CDHR4: variants seen among roughly 807,000 people sequenced by gnomAD.
CDHR4 encodes cadherin-related family member 4.
In CDHR4, 89 loss-of-function variants were observed where a neutral mutation model predicts 88.4. The ratio of observed to expected loss-of-function variants is 1.01; its 90% CI spans 0.85 to 1.20. CDHR4 has a LOEUF of 1.20. CDHR4 is among the 50% of genes most tolerant of loss of function. The probability of loss-of-function intolerance (pLI) is 0.00; values close to 1 mark genes in which losing one functional copy is unlikely to be tolerated. For missense variants in CDHR4, 914 were observed against 1,007.2 expected (o/e 0.91, Z 1.25); for synonymous variants, 368 against 399.2 (o/e 0.92, Z 0.93).
At position 49,795,649 on chromosome 3, in the gene CDHR4, G is replaced by A. The variant is rs773787897; in HGVS notation, c.826C>T (p.Pro276Ser). 1 of 1,551,674 alleles carries A rather than the reference G, an allele frequency of 6.4e-7. No homozygotes were observed. Among genetic ancestry groups the A allele is most frequent in the East Asian group, 2.4e-5 (1 of 40,928 alleles). The change falls in exon 7 of 19, where the codon CCA becomes TCA. Residue 276 changes from proline to serine, a missense_variant. By Grantham distance (74) the Pro-to-Ser change is moderately conservative (BLOSUM62 -1). Transcript: ENST00000412678. This position sits in a 1 kb window ranked among gnomAD's most constrained non-coding sequence, Gnocchi z 5.4. ...TCACCACGACCAATGGAGAAGAGTGGGCTGGGCACCGGAGACAGGATTTCA... is the reference window on the plus strand; with the variant it reads ...TCACCACGACCAATGGAGAAGAGTGAGCTGGGCACCGGAGACAGGATTTCA... ...RYEILSPVPS[P>S]LFSIGRADGV... is the part of the protein sequence containing the mutation.
chr3:49,792,878 C>T lies in CDHR4; in HGVS notation c.1971G>A (p.Val657=). ...VHLVPRRAST[V]ATSTHRTTVP... is the part of the protein sequence containing the mutation. ...CTGTGGTTCTGTGGGTGCTGGTGGC[C>T]ACTGTGCTGGCCCTCCGGGGAACTA... is the stretch of plus-strand genomic sequence containing the variant. Residue 657 remains valine (V), a synonymous_variant, in exon 14 of 19, where the codon GTG becomes GTA. Transcript: ENST00000412678. The T allele has an allele frequency of 6.5e-7, 1 of 1,544,192 alleles. No individual in the cohort carries two copies. The highest frequency in any genetic ancestry group is 8.8e-7 in the Non-Finnish European group (1 of 1,141,412).
chr3:49,799,651 G>T, intron 1 of CDHR4, 113 bp downstream of exon 1: 1 of 1,245,452 alleles, frequency 8.0e-7, no homozygotes, highest in Non-Finnish European at 1.1e-6. Flanking sequence ...CAGGGGTTCA[G>T]ATTCTTACAC....
intron 4 of CDHR4, chr3:49,798,564 G>A: frequency 2.0e-6 from 1 of 508,912 alleles, no homozygotes; most frequent in Non-Finnish European, 3.4e-6. Flanking sequence ...CTCCAGCCTG[G>A]ACGACAGAGC....
intron 15 of CDHR4, 135 bp downstream of exon 15, chr3:49,792,333 G>A (rs1490580836): frequency 1.8e-6 from 2 of 1,112,748 alleles, no homozygotes; most frequent in Non-Finnish European, 2.5e-6. Flanking sequence ...TGGAGGGAGA[G>A]TAGCCCTCCT....
intron 15 of CDHR4, 37 bp from the exon 16 acceptor site, chr3:49,791,996 AG>A: frequency 6.5e-7 from 1 of 1,548,322 alleles, no homozygotes. Context: ...CAGTGAGGGC[AG>A]CAGGCCTACT....
At chr3:49,791,612 C>T (rs2081180966) in intron 17 of CDHR4, 102 bp downstream of exon 17, 2 of 1,478,126 alleles carry the variant, frequency 1.4e-6, no homozygotes, top group Non-Finnish European at 1.8e-6. Flanking sequence ...CAAGGATACC[C>T]ATTCATCGGA....
chr3:49,794,061 G>C, intron 10 of CDHR4, 55 bp from the exon 11 acceptor site: 1 of 1,516,264 alleles, frequency 6.6e-7, no homozygotes, highest in Non-Finnish European at 8.9e-7. Flanking sequence ...CCCTGAACTG[G>C]GGGTCTGAGG....
upstream of CDHR4, chr3:49,799,894 G>C: frequency 6.8e-7 from 1 of 1,480,866 alleles, no homozygotes; most frequent in Non-Finnish European, 9.4e-7. Flanking sequence ...CAGGTCAGTT[G>C]CTCAAACATA....
chr3:49,791,943 G>A lies in CDHR4; in HGVS notation c.2155C>T (p.Gln719Ter), dbSNP rs1225947819. 1 of 1,551,686 alleles carries A rather than the reference G, an allele frequency of 6.4e-7. No homozygotes were observed. ...RLLQGLAQLLQAPSKPAQALL... is the reference protein window; with the variant it reads ...RLLQGLAQLL ...GCCTGGGCTGGTTTGCTGGGTGCTT[G>A]CAGCAGCTGGGCCAACCTAAAATGC... The change falls in exon 16 of 19, where the codon CAA becomes TAA. Residue 719 changes from glutamine (Q) to a stop codon, truncating the protein, a stop_gained. Transcript: ENST00000412678. LOFTEE classifies it high-confidence loss of function.
At chr3:49,797,440 G>C (rs530656476) in intron 4 of CDHR4, among the ~76,000 whole-genome samples, 2 of 150,532 alleles carry the variant, frequency 1.3e-5, no homozygotes, top group Non-Finnish European at 3.0e-5. Flanking sequence ...CACCACACCC[G>C]GCTAATTTCC....
chr3:49,795,334 G>A lies in CDHR4; in HGVS notation c.893C>T (p.Thr298Ile), dbSNP rs568795114. The A allele has an allele frequency of 1.6e-4, 242 of 1,551,514 alleles. 2 individuals are homozygous for A. The South Asian group carries it at 2.4e-3, about 15-fold the overall frequency. ...RTTTPLELARTSGTAVSRLQV... is the reference protein window; with the variant it reads ...RTTTPLELARISGTAVSRLQV... ...CAGCCTGGAGACCGCGGTGCCTGAG[G>A]TGCGAGCTAACTCTAGGGGCGTGGT... The change falls in exon 8 of 19, where the codon ACC becomes ATC. Residue 298 changes from threonine to isoleucine, a missense_variant. Thr to Ile is a moderately conservative substitution (Grantham distance 89). Transcript: ENST00000412678. The surrounding 1 kb of genome is among the most constrained non-coding windows in gnomAD (Gnocchi z 5.4).
intron 10 of CDHR4, 81 bp from the exon 11 acceptor site, chr3:49,794,087 T>G: frequency 2.6e-5 from 34 of 1,309,374 alleles, no homozygotes; most frequent in Non-Finnish European, 3.6e-5. Flanking sequence ...GACAGGGCCC[T>G]GCCCTGGGGG....
intron 9 of CDHR4, 79 bp downstream of exon 9, chr3:49,794,868 G>A (rs1422701007): frequency 1.3e-6 from 2 of 1,526,624 alleles, no homozygotes; most frequent in Admixed American, 2.0e-5. Flanking sequence ...CACTCCCGTG[G>A]TCTCAGAGAC....
At chr3:49,796,879 C>G in intron 5 of CDHR4, 43 bp downstream of exon 5, 1 of 1,488,546 alleles carries the variant, frequency 6.7e-7, no homozygotes, top group Non-Finnish European at 9.2e-7. Context: ...GGTAGGCACT[C>G]TACCCAATCC....
chr3:49,799,355 G>A lies in CDHR4; in HGVS notation c.132C>T (p.Cys44=), dbSNP rs775320347. 6.2e-7 allele frequency: 1 copy of A among 1,613,284 alleles called. No homozygotes were observed. The highest frequency in any genetic ancestry group is 1.1e-5 in the South Asian group (1 of 90,922). ...GTVLQFLSFN[C]SSYTPTPTLE... is the part of the protein sequence containing the mutation. ...GGGTGGGTGTGGGCGTGTAGGAGGA[G>A]CAGTTGAAGGATAAAAACTGAAGGA... Residue 44 remains cysteine (C), a synonymous_variant, in exon 2 of 19, where the codon TGC becomes TGT. Transcript: ENST00000412678.
At position 49,799,312 on chromosome 3, in the gene CDHR4, G is replaced by A. The variant is rs781480337; in HGVS notation, c.175C>T (p.Gln59Ter). 9.9e-6 allele frequency: 16 copies of A among 1,613,862 alleles called. No homozygotes were observed. The Admixed American group carries it at 2.5e-4, about 25-fold the overall frequency. The change falls in exon 2 of 19, where the codon CAG (glutamine) becomes TAG (stop). Residue 59 changes from glutamine to a stop codon, truncating the protein, a stop_gained. Coordinates refer to ENST00000412678, the MANE Select transcript of CDHR4 (RefSeq NM_001007540.4). LOFTEE classifies it high-confidence loss of function. ...GGGTTGAAGAAGGTGGTGGGTGGCT[G>A]GACATTGAGCAACTCCAGGGTGGGT... ...PTPTLELLNV[Q>*]PPTTFFNPPS...
upstream of CDHR4, among the ~76,000 whole-genome samples, chr3:49,802,471 G>A (rs2081374672): frequency 6.6e-6 from 1 of 152,170 alleles, no homozygotes; most frequent in Non-Finnish European, 1.5e-5. Flanking sequence ...CACCGCGCCC[G>A]GCCAGAATGC....
rs1267129202 is a variant in CDHR4, at chr3:49,796,977, T to C, written c.551A>G (p.Asn184Ser). The C allele has an allele frequency of 4.5e-6, 7 of 1,551,606 alleles. No individual in the cohort carries two copies. The highest frequency in any genetic ancestry group is 2.7e-5 in the African/African-American group (2 of 73,048). ...TGGTGCCTGCAGCCAACCTTGCTCA[T>C]TGATGGAGAAAGGTCCAGGGAAGTG... The part of the protein sequence containing the change: ...LPHFPGPFSI[N>S]EQGWLQAPSQ... The change falls in exon 5 of 19, where the codon AAT (asparagine) becomes AGT (serine). Residue 184 changes from asparagine to serine, a missense_variant. Coordinates refer to ENST00000412678, the MANE Select transcript of CDHR4 (RefSeq NM_001007540.4).
At position 49,799,062 on chromosome 3, in the gene CDHR4, C is replaced by A; in HGVS notation, c.335G>T (p.Gly112Val). The A allele has an allele frequency of 6.3e-7, 1 of 1,589,242 alleles. No homozygotes were observed. Residue 112 changes from glycine to valine, a missense_variant, in exon 3 of 19, where the codon GGC (glycine) becomes GTC (valine). Transcript: ENST00000412678. Reference protein sequence around the residue: ...KFTCGNHVMEGSLSVDVQRDL... With the variant: ...KFTCGNHVMEVSLSVDVQRDL... The stretch of plus-strand genomic sequence containing the variant: ...CCGCTGCACATCCACAGAGAGTGAG[C>A]CCTCCATCACATGGTTGCCACATGT...
Sources: gnomAD v4.1 joint callset for allele counts (sites outside exome capture counted in the v4.1 genomes callset) on GRCh38, gnomAD v4.1.1 for gene constraint, Gnocchi (gnomAD v3.1) non-coding constraint, MANE v1.5 for transcripts, NCBI Gene and HGNC (gene_info 2026-07-23, HGNC 2026-07-21) for gene names.